The following PPFIBP1 variants were observed in gnomAD, a reference collection of about 807,000 sequenced individuals.
The protein encoded by PPFIBP1 is PPFIB scaffold protein 1.
In PPFIBP1, 112 loss-of-function variants were observed where a neutral mutation model predicts 137.8. The observed-to-expected ratio is 0.81, with a 90% CI of 0.70 to 0.95. The LOEUF is 0.95. Ranked by LOEUF, PPFIBP1 falls within the 40% of genes least tolerant of loss-of-function variation. The pLI is 0.00. For synonymous variants in PPFIBP1, 378 were observed against 417.3 expected (o/e 0.91, Z 1.15); for missense variants, 1,083 against 1,196.6 (o/e 0.91, Z 1.40).
At chr12:27,623,969 G>A (rs1327531318) in intron 2 of PPFIBP1, among the ~76,000 whole-genome samples, 1 of 152,128 alleles carries the variant, frequency 6.6e-6, no homozygotes, top group Non-Finnish European at 1.5e-5. Flanking sequence ...GCTTCATCCA[G>A]GAGACAATCA....
At chr12:27,545,401 A>C (rs1946128532) in intron 1 of PPFIBP1, among the ~76,000 whole-genome samples, 1 of 152,138 alleles carries the variant, frequency 6.6e-6, no homozygotes, top group Non-Finnish European at 1.5e-5. Context: ...AAATAAGCCT[A>C]GTGATCCTGA....
chr12:27,554,356 A>C (rs575181680), intron 1 of PPFIBP1, among the ~76,000 whole-genome samples: 2 of 152,374 alleles, frequency 1.3e-5, no homozygotes, highest in African/African-American at 4.8e-5. Flanking sequence ...ATACACTAGG[A>C]GGAAATGATT....
rs759972522 is a variant in PPFIBP1, at chr12:27,688,311, C to G, written c.2384C>G (p.Pro795Arg). 3 of 1,613,824 alleles carry G rather than the reference C, an allele frequency of 1.9e-6. No homozygotes were observed. In the South Asian group the frequency reaches 3.3e-5, roughly 18 times the overall value. ...RRPSDENTIA[P>R]SEVQKWTNHR... ...GTGTTCCCATAGAATACCATCGCCC[C>G]ATCAGAAGTTCAGAAGTGGACTAAC... The change falls in exon 26 of 30, where the codon CCA (proline) becomes CGA (arginine). Residue 795 changes from proline to arginine, a missense_variant. By Grantham distance (103) the Pro-to-Arg change is moderately radical. Transcript: ENST00000228425.
In PPFIBP1 at chr12:27,693,176, A is replaced by G; in HGVS notation, c.*294A>G. ...ATGAGTATTTTACCAGAGTGTTTCCATTCATATCCGCGGTATGGAGGATTT... is the reference window on the plus strand; with the variant it reads ...ATGAGTATTTTACCAGAGTGTTTCCGTTCATATCCGCGGTATGGAGGATTT... On this transcript the variant is annotated 3_prime_UTR_variant, in exon 30 of 30. Coordinates refer to ENST00000228425, the MANE Select transcript of PPFIBP1 (RefSeq NM_003622.4). 3.7e-6 allele frequency: 1 copy of G among 271,998 alleles called. No individual in the cohort carries two copies. 16.8% of individuals were successfully genotyped at this position (271,998 alleles called of 1,614,324 possible). A position where few individuals can be genotyped will look rare whatever the true frequency, so the allele number is the denominator to read the frequency against.
chr12:27,658,935 T>C (rs2059378351), intron 10 of PPFIBP1, 87 bp downstream of exon 10: 14 of 1,355,640 alleles, frequency 1.0e-5, no homozygotes, highest in Non-Finnish European at 1.3e-5. Flanking sequence ...AAAACATTTC[T>C]CTCACCAAAG....
Position 27,651,788 on chromosome 12 carries a change from C to A in PPFIBP1, c.603+1647C>A, listed in dbSNP as rs74855531. On this transcript the variant is annotated intron_variant, in intron 7 of 29. Transcript: ENST00000228425. ...ATGAGATGTTAACCAAATGTTGGGGCTAAATTGCAGTAGATGTGTTACTTA... is the reference window on the plus strand; with the variant it reads ...ATGAGATGTTAACCAAATGTTGGGGATAAATTGCAGTAGATGTGTTACTTA... 1.6e-3 allele frequency among the ~76,000 whole-genome samples: 249 copies of A among 152,230 alleles called. 8 individuals carry two copies. In the East Asian group the frequency reaches 0.045, roughly 27 times the overall value.
Position 27,650,017 on chromosome 12 carries a change from TA to T in PPFIBP1, c.481del (p.Ser161ValfsTer5), listed in dbSNP as rs2058779944. 6.2e-7 allele frequency: 1 copy of T among 1,602,050 alleles called. No homozygotes were observed. Among genetic ancestry groups the T allele is most frequent in the South Asian group, 1.1e-5 (1 of 90,448 alleles). ...TCTGTTAAATTATAATAGGAGCTTCTAAGTAGGACATCCTTAGAAACTCAGA... is the reference window on the plus strand; with the variant it reads ...TCTGTTAAATTATAATAGGAGCTTCTAGTAGGACATCCTTAGAAACTCAGA... ...ATEEMLQQELLSRTSLETQKL... is the reference protein window; with the variant it reads ...ATEEMLQQELXSRTSLETQKL... On this transcript the variant is annotated frameshift_variant, in exon 7 of 30. Transcript: ENST00000228425. LOFTEE classifies it high-confidence loss of function.
chr12:27,648,469 A>C (rs1263923461), intron 6 of PPFIBP1, among the ~76,000 whole-genome samples: 1 of 152,212 alleles, frequency 6.6e-6, no homozygotes, highest in Non-Finnish European at 1.5e-5. Context: ...AAATAGAGCT[A>C]CCATATGATC....
intron 1 of PPFIBP1, among the ~76,000 whole-genome samples, chr12:27,561,320 C>A (rs1389298076): frequency 6.6e-6 from 1 of 152,118 alleles, no homozygotes; most frequent in Non-Finnish European, 1.5e-5. Context: ...GGGGTAAAAG[C>A]CACCTTAAGA....
intron 2 of PPFIBP1, among the ~76,000 whole-genome samples, chr12:27,612,569 A>C (rs2055254521): frequency 1.3e-5 from 2 of 151,824 alleles, no homozygotes; most frequent in African/African-American, 4.8e-5. Flanking sequence ...GCTGGTCTTG[A>C]AACTCCTGGG....
chr12:27,656,911 T>C lies in PPFIBP1; in HGVS notation c.811+181T>C, dbSNP rs150528239. ...TTTACTGTGACTGGGAATCCATTAATTTCCTCTTCAGCAGCTGGAAAAGGG... is the reference window on the plus strand; with the variant it reads ...TTTACTGTGACTGGGAATCCATTAACTTCCTCTTCAGCAGCTGGAAAAGGG... On this transcript the variant is annotated intron_variant, in intron 9 of 29. Transcript: ENST00000228425. 8.1e-4 allele frequency: 409 copies of C among 507,998 alleles called. 6 individuals carry two copies. In the East Asian group the frequency reaches 0.011, roughly 13 times the overall value. The allele number at this position is 507,998 out of a possible 1,614,324, so 31.5% of individuals were successfully genotyped here.
At chr12:27,624,767 A>G (rs534183740) in intron 2 of PPFIBP1, among the ~76,000 whole-genome samples, 13 of 152,168 alleles carry the variant, frequency 8.5e-5, no homozygotes, top group African/African-American at 2.6e-4. Context: ...GTGTGTTTGT[A>G]TTTGTGAGGG....
chr12:27,677,106 C>T lies in PPFIBP1; in HGVS notation c.1615+10C>T. 6.2e-7 allele frequency: 1 copy of T among 1,613,834 alleles called. No individual in the cohort carries two copies. Among genetic ancestry groups the T allele is most frequent in the Admixed American group, 1.7e-5 (1 of 60,006 alleles). On this transcript the variant is annotated intron_variant, in intron 19 of 29. Transcript: ENST00000228425. ...AGTGCACCCACCCTAGGTATTGTAC[C>T]CCTGCATGCCAGCCTTCACCAGCAC...
chr12:27,651,691 T>C (rs1359648906), intron 7 of PPFIBP1, among the ~76,000 whole-genome samples: 4 of 152,182 alleles, frequency 2.6e-5, no homozygotes, highest in Non-Finnish European at 2.9e-5. Context: ...TAGATATGGA[T>C]AGAGGTGGTC....
At chr12:27,659,643 A>G (rs769902916) in intron 10 of PPFIBP1, among the ~76,000 whole-genome samples, 12 of 130,918 alleles carry the variant, frequency 9.2e-5, no homozygotes, top group Non-Finnish European at 1.9e-4. Flanking sequence ...CCTGGGCAAC[A>G]CTGACACCCC....
chr12:27,595,068 A>G (rs988797586), intron 2 of PPFIBP1, among the ~76,000 whole-genome samples: 9 of 152,304 alleles, frequency 5.9e-5, no homozygotes, highest in African/African-American at 1.9e-4. Context: ...GGATTAATGG[A>G]CCAAACATCA....
chr12:27,663,835 G>A (rs1432257314), intron 11 of PPFIBP1, among the ~76,000 whole-genome samples: 2 of 140,754 alleles, frequency 1.4e-5, no homozygotes, highest in African/African-American at 2.8e-5. Flanking sequence ...GCGAGACCCT[G>A]TCTCAAAAAA....
chr12:27,565,126 A>G (rs1373551487), intron 1 of PPFIBP1, among the ~76,000 whole-genome samples: 1 of 152,176 alleles, frequency 6.6e-6, no homozygotes, highest in African/African-American at 2.4e-5. Context: ...CTCAATCTCT[A>G]AGGATGACAT....
At chr12:27,645,182 T>C (rs2058384788) in intron 4 of PPFIBP1, among the ~76,000 whole-genome samples, 1 of 152,236 alleles carries the variant, frequency 6.6e-6, no homozygotes, top group South Asian at 2.1e-4. Flanking sequence ...ATTTCTATTG[T>C]ATTTGAATGA....
Sources: gnomAD v4.1 joint callset for allele counts (sites outside exome capture counted in the v4.1 genomes callset) on GRCh38, gnomAD v4.1.1 for gene constraint, MANE v1.5 for transcripts, NCBI Gene and HGNC (gene_info 2026-07-23, HGNC 2026-07-21) for gene names.